Variants in PSD3 observed in about 807,000 individuals in gnomAD.
PSD3 encodes PH and SEC7 domain-containing protein 3.
In PSD3, 49 loss-of-function variants were observed where a neutral mutation model predicts 105.5. The observed-to-expected ratio is 0.46, with a 90% CI of 0.37 to 0.59. The LOEUF (loss-of-function observed/expected upper bound fraction) is 0.59. PSD3 is among the 20% of genes least tolerant of loss of function. The pLI is 0.00. For missense variants in PSD3, 1,561 were observed against 1,263.8 expected (o/e 1.24, Z -3.57); for synonymous variants, 557 against 457.8 (o/e 1.22, Z -2.77).
At chr8:18,987,389 G>A (rs554359827) in intron 1 of PSD3, among the ~76,000 whole-genome samples, 26 of 151,858 alleles carry the variant, frequency 1.7e-4, no homozygotes, top group African/African-American at 5.6e-4. Flanking sequence ...CCAGGCTCAC[G>A]CCATTCTCCT....
intron 9 of PSD3, among the ~76,000 whole-genome samples, chr8:18,688,000 C>G (rs1800756458): frequency 6.6e-6 from 1 of 152,136 alleles, no homozygotes. Flanking sequence ...AACTCCTAAC[C>G]TCAGGTAATC....
chr8:18,611,603 T>G (rs1805270855), intron 11 of PSD3, among the ~76,000 whole-genome samples: 1 of 151,812 alleles, frequency 6.6e-6, no homozygotes, highest in Admixed American at 6.6e-5. Context: ...TTTTTTTTAA[T>G]TAAAGATACT....
intron 1 of PSD3, among the ~76,000 whole-genome samples, chr8:19,040,982 G>A (rs1015798133): frequency 1.3e-5 from 2 of 151,988 alleles, no homozygotes; most frequent in African/African-American, 4.8e-5. Context: ...AGCCTTGAAC[G>A]CCCAGGCTCA....
chr8:18,737,259 G>A (rs1804220976), intron 9 of PSD3, among the ~76,000 whole-genome samples: 1 of 152,150 alleles, frequency 6.6e-6, no homozygotes, highest in Admixed American at 6.5e-5. Context: ...GAGAAAAATA[G>A]GGCCCACAGT....
chr8:18,569,051 G>A (rs1289713526), intron 14 of PSD3, among the ~76,000 whole-genome samples: 4 of 134,880 alleles, frequency 3.0e-5, no homozygotes, highest in Non-Finnish European at 4.8e-5. Context: ...ATTTTTTATG[G>A]CTGCGTAGTA....
intron 1 of PSD3, among the ~76,000 whole-genome samples, chr8:19,073,780 T>C (rs1829352173): frequency 7.4e-6 from 1 of 135,938 alleles, no homozygotes; most frequent in South Asian, 2.6e-4. Context: ...AACATCAGAA[T>C]TGTGTTTTTT....
chr8:18,896,789 T>C (rs998744905), intron 2 of PSD3, among the ~76,000 whole-genome samples: 1 of 151,696 alleles, frequency 6.6e-6, no homozygotes, highest in South Asian at 2.1e-4. Context: ...CCCACTAGCA[T>C]TTTTTTATGT....
At chr8:18,996,161 G>A (rs905349171) in intron 1 of PSD3, among the ~76,000 whole-genome samples, 1 of 151,972 alleles carries the variant, frequency 6.6e-6, no homozygotes, top group Non-Finnish European at 1.5e-5. Flanking sequence ...TTGCTACCTG[G>A]AAACATGGGG....
At chr8:18,951,543 A>G (rs950880568) in intron 1 of PSD3, among the ~76,000 whole-genome samples, 11 of 152,206 alleles carry the variant, frequency 7.2e-5, no homozygotes, top group African/African-American at 2.7e-4. Flanking sequence ...AAATGCACTG[A>G]CAAGTTAGGA....
chr8:18,549,340 C>T (rs1305266602), intron 15 of PSD3, among the ~76,000 whole-genome samples: 1 of 152,066 alleles, frequency 6.6e-6, no homozygotes, highest in Non-Finnish European at 1.5e-5. Flanking sequence ...TGCCACAACA[C>T]CTGGCTAATT....
rs1008296539 is a variant in PSD3, at chr8:18,648,768, C to A, written c.2216+6874G>T. Among the ~76,000 whole-genome samples the A allele has an allele frequency of 3.9e-5, 6 of 152,340 alleles. No homozygotes were observed. The South Asian group carries it at 6.2e-4, about 16-fold the overall frequency. ...GAGAAGAATGGTTTCATAGGCCAGT[C>A]CCCGGGAAGTTTCACTGCCCTATAC... is the stretch of plus-strand genomic sequence containing the variant. On this transcript the variant is annotated intron_variant, in intron 10 of 15. Transcript: ENST00000327040.
chr8:18,625,409 T>G (rs1043832364), intron 11 of PSD3, among the ~76,000 whole-genome samples: 14 of 152,220 alleles, frequency 9.2e-5, no homozygotes, highest in South Asian at 2.1e-4. Flanking sequence ...TCCCCCTTAA[T>G]GTATGAGGAA....
intron 1 of PSD3, among the ~76,000 whole-genome samples, chr8:19,037,212 G>T (rs1003349673): frequency 6.6e-6 from 1 of 152,248 alleles, no homozygotes; most frequent in Non-Finnish European, 1.5e-5. Context: ...CTGTGCTGAA[G>T]AATCTGACCT....
intron 1 of PSD3, among the ~76,000 whole-genome samples, chr8:19,083,213 CAT>C (rs1472082330): frequency 6.6e-6 from 1 of 152,234 alleles, no homozygotes; most frequent in Non-Finnish European, 1.5e-5. Context: ...TGCTCACACA[CAT>C]GCAAAGGATA....
At chr8:18,745,117 A>G (rs1196040074) in intron 9 of PSD3, among the ~76,000 whole-genome samples, 2 of 152,160 alleles carry the variant, frequency 1.3e-5, no homozygotes, top group Non-Finnish European at 2.9e-5. Context: ...TCACTTGGTT[A>G]AGGTGGTATC....
chr8:18,691,399 C>T (rs1043944316), intron 9 of PSD3, among the ~76,000 whole-genome samples: 5 of 152,308 alleles, frequency 3.3e-5, no homozygotes, highest in African/African-American at 1.2e-4. Flanking sequence ...GACAATGCCA[C>T]AGTCAGCTCA....
chr8:18,677,958 C>T (rs568763826), intron 9 of PSD3, among the ~76,000 whole-genome samples: 7 of 147,606 alleles, frequency 4.7e-5, no homozygotes, highest in Non-Finnish European at 7.4e-5. Context: ...TGCAGTGAGC[C>T]GAGATCAGGC....
intron 1 of PSD3, among the ~76,000 whole-genome samples, chr8:19,058,705 G>T (rs1299593851): frequency 6.6e-6 from 1 of 152,078 alleles, no homozygotes; most frequent in African/African-American, 2.4e-5. Flanking sequence ...CTTGAAGTTT[G>T]GAGATGTTTC....
intron 9 of PSD3, among the ~76,000 whole-genome samples, chr8:18,752,564 ATT>A (rs1491046043): frequency 9.9e-4 from 79 of 79,850 alleles, no homozygotes; most frequent in Non-Finnish European, 1.3e-3. Context: ...AATTATATAT[ATT>A]ATATATATAA....
Sources: allele counts gnomAD v4.1 joint callset (sites outside exome capture counted in the v4.1 genomes callset), GRCh38; gene constraint gnomAD v4.1.1; transcripts MANE v1.5; gene names NCBI Gene and HGNC (gene_info 2026-07-23, HGNC 2026-07-21).